Variants in OLFM3 observed in about 807,000 individuals in gnomAD.
OLFM3 encodes olfactomedin 3, also known as noelin-3.
A neutral mutation model predicts 48.6 loss-of-function variants in OLFM3; 20 were observed. The ratio of observed to expected loss-of-function variants is 0.41; its 90% CI spans 0.29 to 0.60. OLFM3 has a LOEUF of 0.60. Among genes scored for constraint, OLFM3 ranks in the 20% least tolerant of loss-of-function variants. OLFM3 has a pLI of 0.28. For missense variants in OLFM3, 437 were observed against 544.3 expected, an observed-to-expected ratio of 0.80 and a Z score of 1.96; for synonymous variants, 222 against 198.1, an observed-to-expected ratio of 1.12 and a Z score of -1.01.
At chr1:101,901,966 G>A (rs1162644468) in intron 1 of OLFM3, among the ~76,000 whole-genome samples, 1 of 152,024 alleles carries the variant, frequency 6.6e-6, no homozygotes, top group Non-Finnish European at 1.5e-5. Context: ...AGAATCATCT[G>A]CGTGGAGATG....
chr1:101,922,379 G>C (rs1659125531), intron 1 of OLFM3, among the ~76,000 whole-genome samples: 1 of 152,110 alleles, frequency 6.6e-6, no homozygotes, highest in South Asian at 2.1e-4. Context: ...TCCAACCTGT[G>C]CTTTGAACAC....
At chr1:101,932,767 A>T (rs1055474228) in intron 1 of OLFM3, among the ~76,000 whole-genome samples, 1 of 152,206 alleles carries the variant, frequency 6.6e-6, no homozygotes, top group Non-Finnish European at 1.5e-5. Flanking sequence ...GTTATCTCCA[A>T]ATGACCACAC....
chr1:101,854,766 C>T (rs764604151), intron 1 of OLFM3, among the ~76,000 whole-genome samples: 1 of 151,998 alleles, frequency 6.6e-6, no homozygotes. Context: ...TGCAGTCTCA[C>T]GTGTACCCTT....
intron 1 of OLFM3, among the ~76,000 whole-genome samples, chr1:101,866,515 T>C (rs1656863184): frequency 6.6e-6 from 1 of 152,092 alleles, no homozygotes; most frequent in African/African-American, 2.4e-5. Context: ...AAGTAGTTTG[T>C]TAAATGTCAA....
intron 1 of OLFM3, among the ~76,000 whole-genome samples, chr1:101,843,643 A>G (rs1373570245): frequency 6.6e-6 from 1 of 152,228 alleles, no homozygotes; most frequent in Non-Finnish European, 1.5e-5. Flanking sequence ...ACTTACTAAT[A>G]AAAACATCCT....
At chr1:101,840,281 C>T (rs567525116) in intron 1 of OLFM3, among the ~76,000 whole-genome samples, 33 of 152,118 alleles carry the variant, frequency 2.2e-4, no homozygotes, top group African/African-American at 7.2e-4. Context: ...CTATTGCTTT[C>T]GAATATTATA....
intron 4 of OLFM3, among the ~76,000 whole-genome samples, chr1:101,810,465 A>G (rs1378212275): frequency 1.3e-5 from 2 of 152,012 alleles, no homozygotes; most frequent in African/African-American, 4.8e-5. Context: ...TAAGCATACA[A>G]TTTTCCAGCT....
chr1:101,956,103 T>TTTTTTTTTTAA (rs781231551), intron 1 of OLFM3, among the ~76,000 whole-genome samples: 4,236 of 141,130 alleles, frequency 0.03, 77 homozygotes, highest in South Asian at 0.083. Flanking sequence ...TTTTTTTTTT[T>TTTTTTTTTTAA]AAAAAAAACC....
At chr1:101,951,534 A>G (rs947771456) in intron 1 of OLFM3, among the ~76,000 whole-genome samples, 2 of 152,108 alleles carry the variant, frequency 1.3e-5, no homozygotes, top group African/African-American at 4.8e-5. Flanking sequence ...GAAATGATCT[A>G]CCATCTGTAA....
At chr1:101,892,769 G>A (rs1400790704) in intron 1 of OLFM3, among the ~76,000 whole-genome samples, 2 of 151,902 alleles carry the variant, frequency 1.3e-5, no homozygotes, top group East Asian at 1.9e-4. Context: ...AAGCATTATC[G>A]TAGCCTGGGC....
chr1:101,875,455 A>G (rs1394365328), intron 1 of OLFM3, among the ~76,000 whole-genome samples: 2 of 152,006 alleles, frequency 1.3e-5, no homozygotes, highest in Non-Finnish European at 2.9e-5. Context: ...AAATAATAGG[A>G]GAAACTATGT....
intron 1 of OLFM3, among the ~76,000 whole-genome samples, chr1:101,954,629 T>C (rs1212434944): frequency 2.0e-5 from 3 of 152,120 alleles, no homozygotes; most frequent in East Asian, 3.8e-4. Context: ...TCAAACTAGA[T>C]GTGTCACCTA....
intron 1 of OLFM3, among the ~76,000 whole-genome samples, chr1:101,902,797 T>G (rs1570615518): frequency 6.6e-6 from 1 of 152,098 alleles, no homozygotes; most frequent in South Asian, 2.1e-4. Flanking sequence ...CCATGGAGTA[T>G]GTACTATAAA....
At chr1:101,948,952 G>A (rs1660040179) in intron 1 of OLFM3, among the ~76,000 whole-genome samples, 1 of 150,364 alleles carries the variant, frequency 6.7e-6, no homozygotes, top group Admixed American at 6.6e-5. Flanking sequence ...AAGCAAGCCT[G>A]CCATTTTCGC....
At chr1:101,932,549 A>G (rs557384234) in intron 1 of OLFM3, among the ~76,000 whole-genome samples, 1 of 152,326 alleles carries the variant, frequency 6.6e-6, no homozygotes. Context: ...CTGTGGGAAG[A>G]GAAACAAACC....
At chr1:101,990,057 A>T (rs1398281436) in intron 1 of OLFM3, among the ~76,000 whole-genome samples, 1 of 152,154 alleles carries the variant, frequency 6.6e-6, no homozygotes, top group Non-Finnish European at 1.5e-5. Flanking sequence ...TCTTTCCCCT[A>T]TGTGATCTCT....
intron 1 of OLFM3, among the ~76,000 whole-genome samples, chr1:101,869,586 G>T (rs2100974098): frequency 6.6e-6 from 1 of 152,280 alleles, no homozygotes; most frequent in South Asian, 2.1e-4. Flanking sequence ...AGGCATGATT[G>T]TGTTATGAAA....
chr1:101,980,508 A>G (rs908431732), intron 1 of OLFM3, among the ~76,000 whole-genome samples: 3 of 152,130 alleles, frequency 2.0e-5, no homozygotes, highest in African/African-American at 7.2e-5. Context: ...GCTTGCAGTC[A>G]TTCTGTCCTG....
chr1:101,938,415 A>C (rs1478520283), intron 1 of OLFM3, among the ~76,000 whole-genome samples: 1 of 152,216 alleles, frequency 6.6e-6, no homozygotes, highest in Admixed American at 6.5e-5. Flanking sequence ...AAATGCATGC[A>C]TGAGTCCTTA....
Sources: gnomAD v4.1 joint callset for allele counts (sites outside exome capture counted in the v4.1 genomes callset) on GRCh38, gnomAD v4.1.1 for gene constraint, MANE v1.5 for transcripts, NCBI Gene and HGNC (gene_info 2026-07-23, HGNC 2026-07-21) for gene names.